The following ADGRL3 variants were observed in gnomAD, a reference collection of about 807,000 sequenced individuals.
ADGRL3 encodes calcium-independent alpha-latrotoxin receptor 3.
A neutral mutation model predicts 153.5 loss-of-function variants in ADGRL3; 62 were observed. The ratio of observed to expected loss-of-function variants is 0.40; its 90% CI spans 0.33 to 0.50. The LOEUF (loss-of-function observed/expected upper bound fraction) is 0.50, where lower values mean the gene tolerates loss of function less well. ADGRL3 is among the 20% of genes least tolerant of loss of function. The probability of loss-of-function intolerance (pLI) is 0.47; values close to 1 mark genes in which losing one functional copy is unlikely to be tolerated. For missense variants in ADGRL3, 1,641 were observed against 1,859.4 expected (o/e 0.88, Z 2.16); for synonymous variants, 710 against 672.5 (o/e 1.06, Z -0.86).
At chr4:61,646,746 C>T (rs1235316381) in intron 5 of ADGRL3, among the ~76,000 whole-genome samples, 2 of 152,146 alleles carry the variant, frequency 1.3e-5, no homozygotes, top group Non-Finnish European at 2.9e-5. Flanking sequence ...CTGTGCCCTG[C>T]CCCCAGAGGT....
intron 19 of ADGRL3, among the ~76,000 whole-genome samples, chr4:61,989,306 A>G (rs1026751870): frequency 6.6e-6 from 1 of 152,084 alleles, no homozygotes; most frequent in Admixed American, 6.6e-5. Flanking sequence ...TTGCTAAGCA[A>G]TTATTATATG....
intron 21 of ADGRL3, among the ~76,000 whole-genome samples, chr4:62,013,811 C>G (rs1044444034): frequency 7.9e-5 from 12 of 152,078 alleles, no homozygotes; most frequent in Admixed American, 7.9e-4. Context: ...TCGCTTGAAC[C>G]CGGAAAGCGG....
intron 9 of ADGRL3, among the ~76,000 whole-genome samples, chr4:61,822,095 G>T (rs979655452): frequency 6.6e-6 from 1 of 152,082 alleles, no homozygotes; most frequent in Admixed American, 6.6e-5. Context: ...CATTACAGGG[G>T]GAGGGAACAT....
intron 6 of ADGRL3, among the ~76,000 whole-genome samples, chr4:61,704,012 A>G (rs532504595): frequency 2.6e-4 from 39 of 152,304 alleles, no homozygotes; most frequent in East Asian, 9.7e-4. Flanking sequence ...TATAACACCT[A>G]TGGTTTTTAG....
intron 6 of ADGRL3, among the ~76,000 whole-genome samples, chr4:61,714,852 G>A (rs558157617): frequency 6.1e-4 from 92 of 152,026 alleles, no homozygotes; most frequent in Non-Finnish European, 1.1e-3. Flanking sequence ...TTCATCCTCC[G>A]GTAAACTACC....
chr4:61,747,149 C>T (rs1205148592), intron 8 of ADGRL3, among the ~76,000 whole-genome samples: 1 of 152,004 alleles, frequency 6.6e-6, no homozygotes, highest in Non-Finnish European at 1.5e-5. Flanking sequence ...CCTTCCAAGA[C>T]TAAACCAGGA....
chr4:61,933,204 A>G (rs2098824864), intron 13 of ADGRL3, among the ~76,000 whole-genome samples: 1 of 152,128 alleles, frequency 6.6e-6, no homozygotes, highest in Non-Finnish European at 1.5e-5. Flanking sequence ...CTAATCCCTG[A>G]AGGAATACTT....
intron 2 of ADGRL3, among the ~76,000 whole-genome samples, chr4:61,389,645 C>A (rs754253515): frequency 9.2e-5 from 14 of 151,830 alleles, no homozygotes; most frequent in Non-Finnish European, 1.9e-4. Flanking sequence ...ATTATGTTTT[C>A]TAATTAATTT....
intron 5 of ADGRL3, among the ~76,000 whole-genome samples, chr4:61,645,338 C>G (rs957418491): frequency 3.3e-5 from 5 of 151,150 alleles, no homozygotes; most frequent in Non-Finnish European, 7.4e-5. Context: ...ATGATGTTAG[C>G]TGGTGATTTT....
At chr4:61,274,814 G>A (rs1412604097) in intron 1 of ADGRL3, among the ~76,000 whole-genome samples, 2 of 152,036 alleles carry the variant, frequency 1.3e-5, no homozygotes. Flanking sequence ...CACGCTTGTT[G>A]TCATTGCAAC....
chr4:61,480,570 G>A (rs2098121274), intron 2 of ADGRL3, among the ~76,000 whole-genome samples: 2 of 150,644 alleles, frequency 1.3e-5, no homozygotes, highest in South Asian at 4.2e-4. Context: ...CAGATCACCT[G>A]AGGTCAGGAG....
At chr4:61,881,560 T>A (rs1014034165) in intron 9 of ADGRL3, among the ~76,000 whole-genome samples, 1 of 152,126 alleles carries the variant, frequency 6.6e-6, no homozygotes, top group African/African-American at 2.4e-5. Flanking sequence ...TGCGTTTTAG[T>A]AGAGACGGGG....
At chr4:61,642,608 C>T (rs370637668) in intron 5 of ADGRL3, among the ~76,000 whole-genome samples, 20 of 151,952 alleles carry the variant, frequency 1.3e-4, no homozygotes, top group African/African-American at 4.6e-4. Context: ...AGATATGCGG[C>T]GTTATTTCTG....
intron 13 of ADGRL3, among the ~76,000 whole-genome samples, chr4:61,924,571 T>G (rs1560382371): frequency 1.3e-5 from 2 of 152,308 alleles, no homozygotes; most frequent in East Asian, 3.9e-4. Flanking sequence ...AAACCATTCT[T>G]CAGCATCTCA....
chr4:61,935,814 G>C, intron 14 of ADGRL3, 109 bp from the exon 15 acceptor site: 2 of 979,512 alleles, frequency 2.0e-6, no homozygotes, highest in Middle Eastern at 2.3e-4. Context: ...ATGACAAATA[G>C]AATAAGAATT....
intron 8 of ADGRL3, among the ~76,000 whole-genome samples, chr4:61,766,291 G>A (rs996277211): frequency 1.3e-5 from 2 of 152,110 alleles, no homozygotes; most frequent in Non-Finnish European, 2.9e-5. Flanking sequence ...GAAGAAAATA[G>A]ATTTTGGAAG....
In ADGRL3 at chr4:61,200,532, T is replaced by C. The variant is rs540719429; in HGVS notation, c.-1473T>C. ...CCGCCGCCGCCGCCGCCGCTGCTGC[T>C]GGTTTTTCTCGGACTGCTCGTTGCC... On this transcript the variant is annotated 5_prime_UTR_variant, in exon 1 of 27. Transcript: ENST00000683033. 2.2e-4 allele frequency among the ~76,000 whole-genome samples: 32 copies of C among 145,476 alleles called. No homozygotes were observed. The highest frequency in any genetic ancestry group is 6.3e-4 in the South Asian group (3 of 4,768).
chr4:61,956,096 C>A (rs560888058), intron 17 of ADGRL3, among the ~76,000 whole-genome samples: 9 of 152,250 alleles, frequency 5.9e-5, no homozygotes, highest in Admixed American at 5.9e-4. Context: ...GTTCTAGATC[C>A]TTGAGGAATT....
chr4:61,419,938 C>CAT (rs2097184429), intron 2 of ADGRL3, among the ~76,000 whole-genome samples: 1 of 151,958 alleles, frequency 6.6e-6, no homozygotes, highest in African/African-American at 2.4e-5. Flanking sequence ...GGATTACAGG[C>CAT]ATGTGCCACC....
Sources: gnomAD v4.1 joint callset for allele counts (sites outside exome capture counted in the v4.1 genomes callset) on GRCh38, gnomAD v4.1.1 for gene constraint, MANE v1.5 for transcripts, NCBI Gene and HGNC (gene_info 2026-07-23, HGNC 2026-07-21) for gene names.